DCC: variants seen among roughly 807,000 people sequenced by gnomAD.
DCC encodes the protein netrin receptor DCC.
In DCC, 58 loss-of-function variants were observed where a neutral mutation model predicts 172.5. The ratio of observed to expected loss-of-function variants is 0.34; its 90% CI spans 0.27 to 0.42. The LOEUF (loss-of-function observed/expected upper bound fraction) is 0.42. Among genes scored for constraint, DCC ranks in the 10% least tolerant of loss-of-function variants. The probability of loss-of-function intolerance (pLI) is 1.00; values close to 1 mark genes in which losing one functional copy is unlikely to be tolerated. For synonymous variants in DCC, 709 were observed against 644.5 expected, an observed-to-expected ratio of 1.10 and a Z score of -1.52; for missense variants, 1,740 against 1,791.0, an observed-to-expected ratio of 0.97 and a Z score of 0.51.
At chr18:53,271,045 T>A (rs11664776) in intron 12 of DCC, among the ~76,000 whole-genome samples, 1 of 151,944 alleles carries the variant, frequency 6.6e-6, no homozygotes, top group South Asian at 2.1e-4. Flanking sequence ...TGGAGCTCAG[T>A]GTGAAATCAA....
intron 2 of DCC, among the ~76,000 whole-genome samples, chr18:52,823,130 C>T (rs1197685956): frequency 6.6e-6 from 1 of 152,164 alleles, no homozygotes; most frequent in Admixed American, 6.5e-5. Flanking sequence ...GCAGTGTCCC[C>T]TCCCTAAACT....
chr18:52,884,578 A>T (rs1049332500), intron 2 of DCC, among the ~76,000 whole-genome samples: 8 of 152,090 alleles, frequency 5.3e-5, no homozygotes, highest in Non-Finnish European at 1.2e-4. Context: ...GAAATTTCTG[A>T]TAGAATTCTG....
chr18:52,508,085 G>A (rs2031298783), intron 1 of DCC, among the ~76,000 whole-genome samples: 1 of 142,036 alleles, frequency 7.0e-6, no homozygotes, highest in African/African-American at 2.6e-5. Context: ...GGGTGACAGA[G>A]CAAGACTCTG....
chr18:53,038,289 A>G (rs1294628638), intron 5 of DCC, among the ~76,000 whole-genome samples: 1 of 152,002 alleles, frequency 6.6e-6, no homozygotes, highest in Non-Finnish European at 1.5e-5. Context: ...ATATGTAATA[A>G]TTACTATTGT....
rs141024472 is a variant in DCC at position 52,979,058 on chromosome 18, G to A, written c.985+53688G>A. Among the ~76,000 whole-genome samples the A allele has an allele frequency of 2.1e-3, 319 of 152,104 alleles. 1 individual carries two copies. The highest frequency in any genetic ancestry group is 7.0e-3 in the African/African-American group (292 of 41,440). ...TTTTTGATAGGACTTTTGGAAATGT[G>A]CTTTTTTAAAAAATATCTCATGTGT... On this transcript the variant is annotated intron_variant, in intron 5 of 28. Coordinates refer to ENST00000442544, the MANE Select transcript of DCC (RefSeq NM_005215.4).
intron 14 of DCC, among the ~76,000 whole-genome samples, chr18:53,339,298 T>C (rs945942082): frequency 6.6e-6 from 1 of 152,254 alleles, no homozygotes; most frequent in African/African-American, 2.4e-5. Context: ...TAGTTTGTTA[T>C]TGTTTTTAGC....
At chr18:52,669,390 C>T (rs186332711) in intron 1 of DCC, among the ~76,000 whole-genome samples, 68 of 152,234 alleles carry the variant, frequency 4.5e-4, no homozygotes, top group African/African-American at 1.6e-3. Flanking sequence ...GCAGTCTAGT[C>T]CTCAGGCAAG....
intron 2 of DCC, among the ~76,000 whole-genome samples, chr18:52,807,241 G>A (rs2038104652): frequency 6.6e-6 from 1 of 152,086 alleles, no homozygotes; most frequent in Non-Finnish European, 1.5e-5. Flanking sequence ...GGTCACATAG[G>A]CATTATACTG....
rs16955895 is a variant in DCC at position 52,946,339 on chromosome 18, A to G, written c.985+20969A>G. ...TAAACATTTGTTGATAAGTGAAATG[A>G]ACTGTTTTTTAGAAAAATGTATGGT... On this transcript the variant is annotated intron_variant, in intron 5 of 28. Coordinates refer to ENST00000442544, the MANE Select transcript of DCC (RefSeq NM_005215.4). 9.7e-3 allele frequency among the ~76,000 whole-genome samples: 1,479 copies of G among 152,344 alleles called. 53 individuals are homozygous for G. Among genetic ancestry groups the G allele is most frequent in the Admixed American group, 0.059 (905 of 15,292 alleles).
chr18:53,492,199 A>G (rs1472487724), intron 26 of DCC, among the ~76,000 whole-genome samples: 1 of 151,950 alleles, frequency 6.6e-6, no homozygotes, highest in Non-Finnish European at 1.5e-5. Context: ...TGTAGCTTCT[A>G]AATAAATATT....
chr18:52,577,204 T>C (rs530649878), intron 1 of DCC, among the ~76,000 whole-genome samples: 181 of 152,370 alleles, frequency 1.2e-3, no homozygotes, highest in African/African-American at 4.2e-3. Context: ...TTCCTATTTC[T>C]GCACATCCTT....
chr18:53,146,175 C>T (rs1209953555), intron 7 of DCC, among the ~76,000 whole-genome samples: 1 of 152,022 alleles, frequency 6.6e-6, no homozygotes, highest in Non-Finnish European at 1.5e-5. Flanking sequence ...GAGCCAAGAT[C>T]ATGCCACTGT....
chr18:52,944,872 TAAGAA>T (rs1039796444), intron 5 of DCC, among the ~76,000 whole-genome samples: 23 of 152,342 alleles, frequency 1.5e-4, no homozygotes, highest in African/African-American at 3.6e-4. Flanking sequence ...GTATTTATGA[TAAGAA>T]AAGAGTATCC....
intron 25 of DCC, among the ~76,000 whole-genome samples, chr18:53,483,801 C>A (rs986785354): frequency 6.6e-6 from 1 of 151,724 alleles, no homozygotes; most frequent in African/African-American, 2.4e-5. Flanking sequence ...TGGCATATAG[C>A]GTAAAATTTT....
At chr18:53,092,811 C>T (rs941441662) in intron 7 of DCC, among the ~76,000 whole-genome samples, 3 of 152,082 alleles carry the variant, frequency 2.0e-5, no homozygotes, top group African/African-American at 4.8e-5. Context: ...CCATCACAGA[C>T]CCTGATGTAT....
chr18:52,750,742 G>C (rs944254117), intron 1 of DCC, among the ~76,000 whole-genome samples: 2 of 152,174 alleles, frequency 1.3e-5, no homozygotes, highest in Admixed American at 1.3e-4. Flanking sequence ...ATCAGGACCA[G>C]TATGAGTTAA....
In DCC at chr18:52,864,630, A is replaced by G. The variant is rs1361689306; in HGVS notation, c.413-41414A>G. Among the ~76,000 whole-genome samples, 4 of 151,470 alleles carry G rather than the reference A, an allele frequency of 2.6e-5. No individual in the cohort carries two copies. In the East Asian group the frequency reaches 7.8e-4, roughly 30 times the overall value. ...GCCATGGTGGTTTGCTGAACCCATC[A>G]ACCTATCAACAACAACTACATTAGG... is the stretch of plus-strand genomic sequence containing the variant. On this transcript the variant is annotated intron_variant, in intron 2 of 28. Coordinates refer to ENST00000442544, the MANE Select transcript of DCC (RefSeq NM_005215.4).
intron 7 of DCC, among the ~76,000 whole-genome samples, chr18:53,133,559 T>C (rs1011755973): frequency 6.6e-6 from 1 of 152,154 alleles, no homozygotes; most frequent in African/African-American, 2.4e-5. Flanking sequence ...CCTTAACCTA[T>C]TCACCAAGGG....
chr18:53,085,862 A>C (rs982505718), intron 7 of DCC, among the ~76,000 whole-genome samples: 4 of 151,740 alleles, frequency 2.6e-5, no homozygotes, highest in African/African-American at 9.7e-5. Context: ...TAATTGTGAA[A>C]TGCAAACAGA....
Sources: gnomAD v4.1 joint callset for allele counts (sites outside exome capture counted in the v4.1 genomes callset) on GRCh38, gnomAD v4.1.1 for gene constraint, MANE v1.5 for transcripts, NCBI Gene and HGNC (gene_info 2026-07-23, HGNC 2026-07-21) for gene names.